TCF12: variants seen among roughly 807,000 people sequenced by gnomAD.
The protein encoded by TCF12 is DNA-binding protein HTF4.
TCF12 carries 45 observed loss-of-function variants against 86.0 expected under a neutral mutation model. The observed-to-expected ratio is 0.52, with a 90% CI of 0.41 to 0.67. TCF12 has a LOEUF of 0.67. Ranked by LOEUF, TCF12 falls within the 30% of genes least tolerant of loss-of-function variation. The pLI is 0.00. For synonymous variants in TCF12, 330 were observed against 299.6 expected (o/e 1.10, Z -1.05); for missense variants, 881 against 859.9 (o/e 1.02, Z -0.31).
intron 16 of TCF12, among the ~76,000 whole-genome samples, chr15:57,259,926 A>G (rs2060513340): frequency 6.6e-6 from 1 of 152,212 alleles, no homozygotes; most frequent in Non-Finnish European, 1.5e-5. Context: ...GTGAAAGTCA[A>G]ATTCTCCAGA....
At chr15:57,134,109 T>C (rs200115414) in intron 5 of TCF12, among the ~76,000 whole-genome samples, 1 of 152,348 alleles carries the variant, frequency 6.6e-6, no homozygotes, top group East Asian at 1.9e-4. Context: ...TTTATTAGGT[T>C]CTTTTTTTAA....
At chr15:56,955,380 A>C (rs1475910249) in intron 3 of TCF12, among the ~76,000 whole-genome samples, 1 of 151,286 alleles carries the variant, frequency 6.6e-6, no homozygotes, top group Non-Finnish European at 1.5e-5. Flanking sequence ...GGTAGGGAAC[A>C]TCACACACCC....
At chr15:57,201,495 C>T (rs1479186438) in intron 8 of TCF12, among the ~76,000 whole-genome samples, 1 of 151,760 alleles carries the variant, frequency 6.6e-6, no homozygotes, top group Non-Finnish European at 1.5e-5. Context: ...GAGGTCACAT[C>T]TAAAAGTACA....
At chr15:57,049,897 T>G (rs1277836668) in intron 3 of TCF12, among the ~76,000 whole-genome samples, 4 of 152,236 alleles carry the variant, frequency 2.6e-5, no homozygotes, top group African/African-American at 4.8e-5. Flanking sequence ...CATTAATTAT[T>G]TTGTGCCTTT....
intron 5 of TCF12, among the ~76,000 whole-genome samples, chr15:57,137,586 TGTG>T (rs1194089479): frequency 6.6e-6 from 1 of 152,358 alleles, no homozygotes; most frequent in East Asian, 1.9e-4. Context: ...GATATTTGGT[TGTG>T]GTGGCATTGC....
chr15:57,147,715 T>C (rs1419516612), intron 5 of TCF12, among the ~76,000 whole-genome samples: 2 of 152,080 alleles, frequency 1.3e-5, no homozygotes, highest in African/African-American at 4.8e-5. Context: ...TATGTGATAA[T>C]AGCAAAATAC....
intron 4 of TCF12, among the ~76,000 whole-genome samples, chr15:57,064,993 T>C (rs2068754317): frequency 6.6e-6 from 1 of 152,150 alleles, no homozygotes; most frequent in African/African-American, 2.4e-5. Context: ...ATAGTCTCAG[T>C]ATGGTTTACA....
chr15:56,996,950 T>A (rs1315594725), intron 3 of TCF12, among the ~76,000 whole-genome samples: 4 of 152,164 alleles, frequency 2.6e-5, no homozygotes, highest in Non-Finnish European at 5.9e-5. Context: ...TCAGAATGGC[T>A]TTGTTAAAAA....
Position 57,289,574 on chromosome 15 carries a change from C to T in TCF12, c.*3429C>T, listed in dbSNP as rs2152177853. 2 of 150,398 alleles carry T rather than the reference C, an allele frequency of 1.3e-5. No individual in the cohort carries two copies. Among genetic ancestry groups the T allele is most frequent in the East Asian group, 2.0e-4 (1 of 5,126 alleles). 9.3% of individuals were successfully genotyped at this position (150,398 alleles called of 1,614,324 possible). ...TTCTATAGTTCATGTTTTCTTTTTC[C>T]TTGGAAACTCAAAATTTAAACACAC... On this transcript the variant is annotated 3_prime_UTR_variant, in exon 21 of 21. Coordinates refer to ENST00000333725, the MANE Select transcript of TCF12 (RefSeq NM_207037.2).
At chr15:56,987,079 A>G (rs1181646721) in intron 3 of TCF12, among the ~76,000 whole-genome samples, 6 of 152,044 alleles carry the variant, frequency 3.9e-5, no homozygotes, top group Non-Finnish European at 8.8e-5. Context: ...ACATGCAGTA[A>G]TGCAATATTT....
At chr15:56,955,251 G>C (rs1347340639) in intron 3 of TCF12, among the ~76,000 whole-genome samples, 3 of 152,142 alleles carry the variant, frequency 2.0e-5, no homozygotes, top group Non-Finnish European at 2.9e-5. Flanking sequence ...GTCCTTTGTA[G>C]GGACATGGAT....
At position 57,289,288 on chromosome 15, in the gene TCF12, C is replaced by G. The variant is rs764638878; in HGVS notation, c.*3143C>G. The G allele has an allele frequency of 1.1e-4, 17 of 152,010 alleles. 1 individual carries two copies. Among genetic ancestry groups the G allele is most frequent in the Non-Finnish European group, 2.2e-4 (15 of 67,994 alleles). 9.4% of individuals were successfully genotyped at this position (152,010 alleles called of 1,614,324 possible). ...TTTATACAAAACGATAAATAAAAAGCTCTAAGAAGAAAATGTATAATCTTA... is the reference window on the plus strand; with the variant it reads ...TTTATACAAAACGATAAATAAAAAGGTCTAAGAAGAAAATGTATAATCTTA... On this transcript the variant is annotated 3_prime_UTR_variant, in exon 21 of 21. Coordinates refer to ENST00000333725, the MANE Select transcript of TCF12 (RefSeq NM_207037.2).
At chr15:56,944,572 TC>T (rs2060913665) in intron 3 of TCF12, among the ~76,000 whole-genome samples, 1 of 152,180 alleles carries the variant, frequency 6.6e-6, no homozygotes, top group African/African-American at 2.4e-5. Context: ...AAAATTACTT[TC>T]CCTTCTTTAA....
intron 8 of TCF12, among the ~76,000 whole-genome samples, chr15:57,205,102 C>T (rs1023506001): frequency 4.6e-5 from 7 of 151,944 alleles, no homozygotes; most frequent in Non-Finnish European, 8.8e-5. Flanking sequence ...CACTTGAGCC[C>T]AGGAGTTCGA....
intron 3 of TCF12, among the ~76,000 whole-genome samples, chr15:56,930,808 C>G (rs1489890491): frequency 6.6e-6 from 1 of 152,050 alleles, no homozygotes; most frequent in Non-Finnish European, 1.5e-5. Flanking sequence ...CCAAAAAGAT[C>G]TCAACCACAG....
chr15:57,062,347 AC>A (rs1439960586), intron 3 of TCF12, among the ~76,000 whole-genome samples: 1 of 152,080 alleles, frequency 6.6e-6, no homozygotes, highest in Non-Finnish European at 1.5e-5. Context: ...AATGAACAAA[AC>A]ACTGTTCACG....
chr15:57,248,705 G>A (rs555578035), intron 13 of TCF12, among the ~76,000 whole-genome samples: 4 of 152,304 alleles, frequency 2.6e-5, no homozygotes, highest in Admixed American at 6.5e-5. Context: ...ACACTGGAAC[G>A]GGCCAGTCTG....
At chr15:57,247,794 C>A (rs2059931533) in intron 13 of TCF12, 2 of 750,086 alleles carry the variant, frequency 2.7e-6, no homozygotes, top group African/African-American at 1.7e-5. Context: ...ACCTCTTCAA[C>A]ACAAGAGTAA....
chr15:57,239,863 C>T (rs2059540535), intron 12 of TCF12, among the ~76,000 whole-genome samples: 1 of 152,084 alleles, frequency 6.6e-6, no homozygotes, highest in South Asian at 2.1e-4. Context: ...TTGGACATAA[C>T]TGCGCTTGAG....
Sources: allele counts gnomAD v4.1 joint callset (sites outside exome capture counted in the v4.1 genomes callset), GRCh38; gene constraint gnomAD v4.1.1; transcripts MANE v1.5; gene names NCBI Gene and HGNC (gene_info 2026-07-23, HGNC 2026-07-21).